HPSE2: variants seen among roughly 807,000 people sequenced by gnomAD.
The protein encoded by HPSE2 is heparanase 2 (inactive), also known as inactive heparanase-2.
In HPSE2, 38 loss-of-function variants were observed where a neutral mutation model predicts 60.5. That is an observed-to-expected ratio of 0.63 (90% CI 0.48 to 0.82). The LOEUF (loss-of-function observed/expected upper bound fraction) is 0.82, where lower values mean the gene tolerates loss of function less well. Among genes scored for constraint, HPSE2 ranks in the 40% least tolerant of loss-of-function variants. HPSE2 has a pLI of 0.00. For synonymous variants in HPSE2, 295 were observed against 293.2 expected (o/e 1.01, Z -0.06); for missense variants, 713 against 740.4 (o/e 0.96, Z 0.43).
chr10:99,073,591 A>G (rs1258812459), intron 3 of HPSE2, among the ~76,000 whole-genome samples: 1 of 152,198 alleles, frequency 6.6e-6, no homozygotes, highest in Non-Finnish European at 1.5e-5. Context: ...TTACCTATAT[A>G]ACAAACCTGC....
chr10:99,255,560 A>G, the HPSE2 span, among the ~76,000 whole-genome samples: 1 of 79,952 alleles, frequency 1.3e-5, no homozygotes, highest in Non-Finnish European at 2.2e-5. Flanking sequence ...ACGCATGCAC[A>G]CATACACACA....
At chr10:98,546,116 A>T (rs1168339682) in intron 9 of HPSE2, among the ~76,000 whole-genome samples, 3 of 134,518 alleles carry the variant, frequency 2.2e-5, no homozygotes, top group African/African-American at 7.6e-5. Context: ...GGACCTCTTC[A>T]AGGAGAACTA....
chr10:99,094,860 T>C (rs1229303666), intron 3 of HPSE2, among the ~76,000 whole-genome samples: 1 of 150,904 alleles, frequency 6.6e-6, no homozygotes, highest in South Asian at 2.2e-4. Context: ...CCAGGCCAAA[T>C]ACCTTATTTT....
chr10:99,197,168 A>C (rs1465045872), intron 2 of HPSE2, among the ~76,000 whole-genome samples: 1 of 152,146 alleles, frequency 6.6e-6, no homozygotes, highest in East Asian at 1.9e-4. Context: ...GGATCTAAAA[A>C]GTCAAAACAA....
chr10:99,293,563 T>C, the HPSE2 span, among the ~76,000 whole-genome samples: 1 of 152,184 alleles, frequency 6.6e-6, no homozygotes, highest in Non-Finnish European at 1.5e-5. Context: ...CCTATAAAAA[T>C]GGATAGGTTG....
intron 11 of HPSE2, among the ~76,000 whole-genome samples, chr10:98,475,223 T>C (rs1195990372): frequency 6.6e-6 from 1 of 151,736 alleles, no homozygotes; most frequent in African/African-American, 2.4e-5. Context: ...GTTCATGCCA[T>C]TCTCCTGCCT....
intron 6 of HPSE2, among the ~76,000 whole-genome samples, chr10:98,693,180 T>C (rs991603834): frequency 6.6e-6 from 1 of 152,228 alleles, no homozygotes; most frequent in Non-Finnish European, 1.5e-5. Context: ...TTGGAAGATA[T>C]TGTGAAATAG....
chr10:99,090,766 T>A (rs1843484543), intron 3 of HPSE2, among the ~76,000 whole-genome samples: 1 of 152,080 alleles, frequency 6.6e-6, no homozygotes, highest in South Asian at 2.1e-4. Flanking sequence ...CAATTTGTGA[T>A]CAAAGATCTG....
intron 3 of HPSE2, among the ~76,000 whole-genome samples, chr10:98,989,677 G>T (rs1251856729): frequency 6.6e-6 from 1 of 151,792 alleles, no homozygotes; most frequent in Admixed American, 6.6e-5. Context: ...ACTCAAAAAG[G>T]CTTGTCTTTT....
chr10:98,604,580 G>A (rs1384176956), intron 9 of HPSE2, among the ~76,000 whole-genome samples: 1 of 152,182 alleles, frequency 6.6e-6, no homozygotes, highest in Non-Finnish European at 1.5e-5. Context: ...AATAATGACT[G>A]AGAATTTAGT....
At chr10:98,947,994 A>G (rs1955240138) in intron 3 of HPSE2, among the ~76,000 whole-genome samples, 1 of 152,138 alleles carries the variant, frequency 6.6e-6, no homozygotes, top group Non-Finnish European at 1.5e-5. Context: ...CCCAAACACA[A>G]CATTTCTAAT....
chr10:98,940,831 T>G (rs1954973800), intron 3 of HPSE2, among the ~76,000 whole-genome samples: 3 of 140,282 alleles, frequency 2.1e-5, no homozygotes, highest in African/African-American at 9.0e-5. Flanking sequence ...GCAAAAATCC[T>G]CAATAAAATA....
At chr10:98,497,999 GA>G (rs1453944649) in intron 9 of HPSE2, among the ~76,000 whole-genome samples, 1 of 152,138 alleles carries the variant, frequency 6.6e-6, no homozygotes, top group Non-Finnish European at 1.5e-5. Flanking sequence ...CAGTATTAGG[GA>G]GAGCACTTTT....
chr10:98,832,127 CT>C (rs1205207917), intron 3 of HPSE2, among the ~76,000 whole-genome samples: 1 of 152,090 alleles, frequency 6.6e-6, no homozygotes, highest in Non-Finnish European at 1.5e-5. Flanking sequence ...CAATATCTAA[CT>C]GCTAAAGAGG....
chr10:98,479,584 T>C (rs1941155668), intron 11 of HPSE2, among the ~76,000 whole-genome samples: 2 of 152,214 alleles, frequency 1.3e-5, no homozygotes, highest in South Asian at 2.1e-4. Flanking sequence ...GTCTGGCAGC[T>C]TACAGTCCAC....
At chr10:99,271,497 GACACAAACAAATGGAA>G in the HPSE2 span, among the ~76,000 whole-genome samples, 3 of 152,164 alleles carry the variant, frequency 2.0e-5, 1 homozygote, top group South Asian at 6.2e-4. Flanking sequence ...GATCACAGAT[GACACAAACAAATGGAA>G]ACACATCCCA....
intron 3 of HPSE2, among the ~76,000 whole-genome samples, chr10:99,119,941 C>T (rs1013535170): frequency 1.3e-5 from 2 of 152,110 alleles, no homozygotes. Flanking sequence ...ATACAAAAAT[C>T]AACCAAGATG....
chr10:99,267,555 A>G, the HPSE2 span, among the ~76,000 whole-genome samples: 19 of 152,214 alleles, frequency 1.2e-4, no homozygotes, highest in Admixed American at 2.6e-4. Context: ...AGGCTGAGTC[A>G]GGTGAATCAC....
intron 2 of HPSE2, among the ~76,000 whole-genome samples, chr10:99,168,087 TACACACACACACACACACACACAC>T (rs56393224): frequency 6.9e-6 from 1 of 144,622 alleles, no homozygotes; most frequent in Non-Finnish European, 1.5e-5. Context: ...TCAGCCTATT[TACACACACACACACACACACACAC>T]ACACACACAC....
Sources: gnomAD v4.1 joint callset for allele counts (sites outside exome capture counted in the v4.1 genomes callset) on GRCh38, gnomAD v4.1.1 for gene constraint, MANE v1.5 for transcripts, NCBI Gene and HGNC (gene_info 2026-07-23, HGNC 2026-07-21) for gene names.